MICALL1: variants seen among roughly 807,000 people sequenced by gnomAD.
MICALL1 encodes the protein MICAL-like protein 1.
MICALL1 carries 61 observed loss-of-function variants against 83.7 expected under a neutral mutation model. The ratio of observed to expected loss-of-function variants is 0.73; its 90% confidence interval spans 0.59 to 0.90. MICALL1 has a LOEUF of 0.90. MICALL1 is among the 40% of genes least tolerant of loss of function. The pLI is 0.00. For missense variants in MICALL1, 1,066 were observed against 1,152.0 expected (o/e 0.93, Z 1.08); for synonymous variants, 481 against 473.6 (o/e 1.02, Z -0.20).
intron 13 of MICALL1, among the ~76,000 whole-genome samples, chr22:37,933,665 G>A (rs1157894238): frequency 6.6e-6 from 1 of 152,166 alleles, no homozygotes; most frequent in Non-Finnish European, 1.5e-5. Flanking sequence ...CTCCTCACAC[G>A]CCCTGTGACC....
At chr22:37,925,073 A>G (rs1021970034) in intron 7 of MICALL1, among the ~76,000 whole-genome samples, 1 of 152,192 alleles carries the variant, frequency 6.6e-6, no homozygotes, top group African/African-American at 2.4e-5. Flanking sequence ...GGAAAAGCTC[A>G]GCTGTAGTAC....
At chr22:37,917,423 G>T (rs1277527248) in intron 3 of MICALL1, among the ~76,000 whole-genome samples, 1 of 152,216 alleles carries the variant, frequency 6.6e-6, no homozygotes, top group Non-Finnish European at 1.5e-5. Flanking sequence ...GCTGTGTTCT[G>T]TGATCGTACT....
chr22:37,932,316 G>A lies in MICALL1; in HGVS notation c.2017-237G>A, dbSNP rs902319614. 2.6e-5 allele frequency among the ~76,000 whole-genome samples: 4 copies of A among 152,222 alleles called. No individual in the cohort carries two copies. Among genetic ancestry groups the A allele is most frequent in the African/African-American group, 9.6e-5 (4 of 41,452 alleles). ...CAGAGAGGAGGCGTTTCCGTGAAGG[G>A]CAGGGAGTCATGCCACCTTCTGGAG... On this transcript the variant is annotated intron_variant, in intron 10 of 15. Transcript: ENST00000215957. This position sits in a 1 kb window ranked among gnomAD's most constrained non-coding sequence, Gnocchi z 4.4.
Position 37,932,475 on chromosome 22 carries a change from CAAT to C in MICALL1, c.2017-77_2017-75del. 1.4e-5 allele frequency: 22 copies of C among 1,578,302 alleles called. No individual in the cohort carries two copies. Among genetic ancestry groups the C allele is most frequent in the Non-Finnish European group, 1.8e-5 (21 of 1,160,280 alleles). On this transcript the variant is annotated intron_variant, in intron 10 of 15. Coordinates refer to ENST00000215957, the MANE Select transcript of MICALL1 (RefSeq NM_033386.4). The surrounding 1 kb of genome is among the most constrained non-coding windows in gnomAD (Gnocchi z 4.4). ...CCCGGGCCCTGGAGCCACCAGTGGC[CAAT>C]GCTGGCCAGAGAAGAGGGCAAGGCT...
intron 5 of MICALL1, 54 bp from the exon 6 acceptor site, chr22:37,921,918 A>T: frequency 6.7e-7 from 1 of 1,494,752 alleles, no homozygotes; most frequent in Non-Finnish European, 8.9e-7. Context: ...AGGGGTAGCC[A>T]GTGCCTGGGC....
intron 5 of MICALL1, among the ~76,000 whole-genome samples, chr22:37,919,655 A>G (rs1375948966): frequency 3.4e-5 from 5 of 148,468 alleles, no homozygotes; most frequent in Non-Finnish European, 3.0e-5. Context: ...AAAAAAAAAA[A>G]GGCCATTGAA....
intron 3 of MICALL1, among the ~76,000 whole-genome samples, chr22:37,914,480 G>T (rs1928546377): frequency 1.3e-5 from 2 of 151,386 alleles, no homozygotes; most frequent in South Asian, 4.2e-4. Context: ...ACCCACCTCA[G>T]CCTCCCAAAG....
chr22:37,924,730 C>T lies in MICALL1; in HGVS notation c.1082+13C>T. 3 of 1,610,888 alleles carry T rather than the reference C, an allele frequency of 1.9e-6. No homozygotes were observed. In the East Asian group the frequency reaches 6.7e-5, roughly 36 times the overall value. ...AGCCGTCCGAGGGGTATGTCGATCC[C>T]TGAGGGGCTTTCCTGCTTTGGAGGT... On this transcript the variant is annotated intron_variant, in intron 7 of 15. Transcript: ENST00000215957. The surrounding 1 kb of genome is among the most constrained non-coding windows in gnomAD (Gnocchi z 5.2).
chr22:37,924,574 T>C lies in MICALL1; in HGVS notation c.1025-86T>C. On this transcript the variant is annotated intron_variant, in intron 6 of 15. Coordinates refer to ENST00000215957, the MANE Select transcript of MICALL1 (RefSeq NM_033386.4). This position sits in a 1 kb window ranked among gnomAD's most constrained non-coding sequence, Gnocchi z 5.2. The stretch of plus-strand genomic sequence containing the variant: ...TGCCAGGAGGAAGGCGGGGCGCTCC[T>C]GGGGAGGCAGGTGCTGTGGCTGGCT... The C allele has an allele frequency of 7.3e-7, 1 of 1,378,872 alleles. No homozygotes were observed. The highest frequency in any genetic ancestry group is 1.0e-6 in the Non-Finnish European group (1 of 986,748). The allele number at this position is 1,378,872 out of a possible 1,614,324, so 85.4% of individuals were successfully genotyped here.
At chr22:37,939,773 C>CAAAAAAA (rs147934175) in intron 15 of MICALL1, among the ~76,000 whole-genome samples, 8 of 44,394 alleles carry the variant, frequency 1.8e-4, no homozygotes, top group Admixed American at 2.9e-4. Flanking sequence ...GTCTCCGTCT[C>CAAAAAAA]AAAAAAAAAA....
rs777237990 is a variant in MICALL1, at chr22:37,922,335, C to T, written c.933C>T (p.Ser311=). 32 of 1,526,458 alleles carry T rather than the reference C, an allele frequency of 2.1e-5. No homozygotes were observed. Among genetic ancestry groups the T allele is most frequent in the Non-Finnish European group, 2.5e-5 (28 of 1,137,642 alleles). The allele number at this position is 1,526,458 out of a possible 1,614,324, so 94.6% of individuals were successfully genotyped here. ...PTPAPRKASE[S]TTPAPPTPRP... is the part of the protein sequence containing the mutation. ...CTGCCCCCAGGAAGGCCTCTGAGAGCACCACCCCAGCACCCCCCACGCCCC... is the reference window on the plus strand; with the variant it reads ...CTGCCCCCAGGAAGGCCTCTGAGAGTACCACCCCAGCACCCCCCACGCCCC... The change falls in exon 6 of 16, where the codon AGC becomes AGT. Residue 311 remains serine, a synonymous_variant. Coordinates refer to ENST00000215957, the MANE Select transcript of MICALL1 (RefSeq NM_033386.4).
At chr22:37,938,696 C>T (rs998243874) in intron 15 of MICALL1, among the ~76,000 whole-genome samples, 7 of 150,182 alleles carry the variant, frequency 4.7e-5, no homozygotes, top group African/African-American at 1.7e-4. Context: ...GATCTCAGCT[C>T]ACTCAACCTC....
chr22:37,918,775 G>T (rs1038446235), intron 4 of MICALL1, among the ~76,000 whole-genome samples: 2 of 152,238 alleles, frequency 1.3e-5, no homozygotes, highest in African/African-American at 4.8e-5. Flanking sequence ...CGGAAGTCAG[G>T]ATTTTCGTGT....
At chr22:37,937,593 T>C (rs575378884) in intron 14 of MICALL1, among the ~76,000 whole-genome samples, 153 bp from the exon 15 acceptor site, 1 of 152,132 alleles carries the variant, frequency 6.6e-6, no homozygotes, top group Admixed American at 6.5e-5. Context: ...CCAGCTACTT[T>C]TTGTATTTTT....
At chr22:37,912,047 G>A (rs1928362159) in intron 2 of MICALL1, 47 bp downstream of exon 2, 1 of 1,124,208 alleles carries the variant, frequency 8.9e-7, no homozygotes, top group Non-Finnish European at 1.2e-6. Context: ...GTGTATGTGT[G>A]TGTGTGTGTG....
chr22:37,921,966 T>C lies in MICALL1; in HGVS notation c.570-6T>C, dbSNP rs750968261. 1.9e-6 allele frequency: 3 copies of C among 1,557,408 alleles called. No individual in the cohort carries two copies. In the East Asian group the frequency reaches 6.8e-5, roughly 35 times the overall value. On this transcript the variant is annotated splice_region_variant and splice_polypyrimidine_tract_variant and intron_variant, in intron 5 of 15. Coordinates refer to ENST00000215957, the MANE Select transcript of MICALL1 (RefSeq NM_033386.4). ...CTAAGTGAACCCCTGTCCTGTCCCC[T>C]GCCAGGTGTCGGCGGTGCTCCAGCA...
rs778562267 is a variant in MICALL1, at chr22:37,932,823, G to A, written c.2169G>A (p.Val723=). 1.2e-6 allele frequency: 2 copies of A among 1,614,096 alleles called. No homozygotes were observed. Among genetic ancestry groups the A allele is most frequent in the African/African-American group, 1.3e-5 (1 of 75,016 alleles). ...AGGGCCGTGAGGATGACATGCTGGT[G>A]GACTGGTTCAAGCTCATCCACGAGA... ...LNEGREDDML[V]DWFKLIHEKH... is the part of the protein sequence containing the mutation. The change falls in exon 12 of 16, where the codon GTG becomes GTA. Residue 723 remains valine, a synonymous_variant. Coordinates refer to ENST00000215957, the MANE Select transcript of MICALL1 (RefSeq NM_033386.4). This position sits in a 1 kb window ranked among gnomAD's most constrained non-coding sequence, Gnocchi z 4.4.
intron 15 of MICALL1, among the ~76,000 whole-genome samples, chr22:37,939,300 C>G (rs909522011): frequency 3.9e-5 from 6 of 152,198 alleles, no homozygotes; most frequent in African/African-American, 1.2e-4. Context: ...TAAAACTTAG[C>G]TGAGGGCCCT....
At chr22:37,923,616 A>G (rs188200653) in intron 6 of MICALL1, among the ~76,000 whole-genome samples, 2 of 152,274 alleles carry the variant, frequency 1.3e-5, no homozygotes, top group African/African-American at 2.4e-5. Context: ...GGTGCAAACA[A>G]TACAGACCCA....
Sources: allele counts gnomAD v4.1 joint callset (sites outside exome capture counted in the v4.1 genomes callset), GRCh38; gene constraint gnomAD v4.1.1; non-coding constraint Gnocchi (gnomAD v3.1); transcripts MANE v1.5; gene names NCBI Gene and HGNC (gene_info 2026-07-23, HGNC 2026-07-21).